The following VTI1A variants were observed in gnomAD, a reference collection of about 807,000 sequenced individuals.
VTI1A encodes the protein vesicle transport through interaction with t-SNAREs 1A, also known as vesicle transport through interaction with t-SNAREs homolog 1A.
VTI1A carries 22 observed loss-of-function variants against 34.9 expected under a neutral mutation model. The ratio of observed to expected loss-of-function variants is 0.63; its 90% CI spans 0.45 to 0.90. The LOEUF (loss-of-function observed/expected upper bound fraction) is 0.90. Ranked by LOEUF, VTI1A falls within the 40% of genes least tolerant of loss-of-function variation. The pLI is 0.00. For synonymous variants in VTI1A, 87 were observed against 97.3 expected, an observed-to-expected ratio of 0.89 and a Z score of 0.62; for missense variants, 268 against 275.6, an observed-to-expected ratio of 0.97 and a Z score of 0.20.
chr10:112,599,401 C>G (rs1024335406), intron 5 of VTI1A, among the ~76,000 whole-genome samples: 2 of 152,154 alleles, frequency 1.3e-5, no homozygotes, highest in African/African-American at 4.8e-5. Context: ...AAGGAAGATA[C>G]TGCCCTCTTG....
intron 5 of VTI1A, among the ~76,000 whole-genome samples, chr10:112,581,183 CT>C (rs1843919903): frequency 6.6e-6 from 1 of 152,184 alleles, no homozygotes; most frequent in Non-Finnish European, 1.5e-5. Flanking sequence ...TATGAATTCA[CT>C]TGGTTCTCTT....
At chr10:112,736,151 CT>C (rs1850462474) in intron 7 of VTI1A, among the ~76,000 whole-genome samples, 1 of 93,118 alleles carries the variant, frequency 1.1e-5, no homozygotes. Context: ...AAATGTATAA[CT>C]TTTTTTTCCC....
rs537467921 is a variant in VTI1A at position 112,726,238 on chromosome 10, C to T, written c.560+57240C>T. Among the ~76,000 whole-genome samples, 288 of 152,234 alleles carry T rather than the reference C, an allele frequency of 1.9e-3. 1 individual carries two copies. The highest frequency in any genetic ancestry group is 3.6e-3 in the Non-Finnish European group (247 of 68,024). Reference sequence around the variant, plus strand: ...CCAGATCCTGCTGCTTCTCTCAATGCCTTCATCCTCTCCTTCTAAATCAGA... The same window carrying T: ...CCAGATCCTGCTGCTTCTCTCAATGTCTTCATCCTCTCCTTCTAAATCAGA... On this transcript the variant is annotated intron_variant, in intron 7 of 7. Coordinates refer to ENST00000393077, the MANE Select transcript of VTI1A (RefSeq NM_145206.4).
intron 5 of VTI1A, among the ~76,000 whole-genome samples, chr10:112,571,307 G>A (rs1310317521): frequency 6.6e-6 from 1 of 152,126 alleles, no homozygotes; most frequent in African/African-American, 2.4e-5. Flanking sequence ...CATGTATCCA[G>A]TGATTCATCT....
chr10:112,745,617 C>T (rs1850869311), intron 7 of VTI1A, among the ~76,000 whole-genome samples: 1 of 152,188 alleles, frequency 6.6e-6, no homozygotes, highest in South Asian at 2.1e-4. Flanking sequence ...AGTAAATTAT[C>T]CCTAACTCAG....
intron 7 of VTI1A, among the ~76,000 whole-genome samples, chr10:112,807,495 T>G (rs968234715): frequency 6.6e-6 from 1 of 152,120 alleles, no homozygotes; most frequent in African/African-American, 2.4e-5. Context: ...CTCTTTGTCC[T>G]CTCTTAAGGA....
At chr10:112,670,443 C>T (rs1254984305) in intron 7 of VTI1A, among the ~76,000 whole-genome samples, 3 of 152,060 alleles carry the variant, frequency 2.0e-5, no homozygotes, top group Non-Finnish European at 2.9e-5. Flanking sequence ...ATAGTTTATG[C>T]GGGCTCTACG....
intron 1 of VTI1A, among the ~76,000 whole-genome samples, chr10:112,452,562 G>A (rs1418341958): frequency 1.7e-5 from 1 of 59,500 alleles, no homozygotes; most frequent in East Asian, 2.4e-4. Context: ...GTGAGACTCT[G>A]TCTCAAAAAA....
At position 112,631,279 on chromosome 10, in the gene VTI1A, A is replaced by T. The variant is rs1846120987; in HGVS notation, c.428-36939A>T. Among the ~76,000 whole-genome samples the T allele has an allele frequency of 2.0e-5, 3 of 152,366 alleles. No homozygotes were observed. The South Asian group carries it at 6.2e-4, about 32-fold the overall frequency. On this transcript the variant is annotated intron_variant, in intron 5 of 7. Coordinates refer to ENST00000393077, the MANE Select transcript of VTI1A (RefSeq NM_145206.4). ...TTTAATGAGGTACAATTCACGTAAT[A>T]GAAAATTAACCATTTTAAAATGTAC...
rs533086941 is a variant in VTI1A at position 112,734,713 on chromosome 10, C to T, written c.560+65715C>T. Among the ~76,000 whole-genome samples, 542 of 149,948 alleles carry T rather than the reference C, an allele frequency of 3.6e-3. 3 individuals are homozygous for T. Among genetic ancestry groups the T allele is most frequent in the African/African-American group, 0.013 (509 of 40,704 alleles). On this transcript the variant is annotated intron_variant, in intron 7 of 7. Coordinates refer to ENST00000393077, the MANE Select transcript of VTI1A (RefSeq NM_145206.4). ...TGTTGCCCAGGCTGGAGTGCAGTGGCGCGATCTCGGCTCACTGCAATCTCC... is the reference window on the plus strand; with the variant it reads ...TGTTGCCCAGGCTGGAGTGCAGTGGTGCGATCTCGGCTCACTGCAATCTCC...
At chr10:112,482,926 A>T (rs1848500744) in intron 3 of VTI1A, among the ~76,000 whole-genome samples, 1 of 152,196 alleles carries the variant, frequency 6.6e-6, no homozygotes, top group Non-Finnish European at 1.5e-5. Flanking sequence ...CTGTCTTTTG[A>T]ATTCTGTCGT....
At chr10:112,827,088 T>C in the VTI1A span, 2 of 152,232 alleles carry the variant, frequency 1.3e-5, no homozygotes, top group African/African-American at 4.8e-5. Flanking sequence ...ATTTCACTTA[T>C]TTCATTTTGA....
At chr10:112,811,350 T>A (rs1270427668) in intron 7 of VTI1A, among the ~76,000 whole-genome samples, 1 of 152,138 alleles carries the variant, frequency 6.6e-6, no homozygotes, top group Non-Finnish European at 1.5e-5. Flanking sequence ...ACTCAGAACT[T>A]TTGCTCTCAT....
At chr10:112,735,335 A>G (rs1265319951) in intron 7 of VTI1A, among the ~76,000 whole-genome samples, 1 of 152,204 alleles carries the variant, frequency 6.6e-6, no homozygotes, top group Admixed American at 6.5e-5. Flanking sequence ...TCAAACATTT[A>G]CCTATTTATT....
intron 5 of VTI1A, among the ~76,000 whole-genome samples, chr10:112,615,735 G>A (rs1845489798): frequency 6.6e-6 from 1 of 152,192 alleles, no homozygotes; most frequent in South Asian, 2.1e-4. Context: ...TGATCTGAAA[G>A]ATAAGTAAGA....
rs7907407 is a variant in VTI1A at position 112,708,613 on chromosome 10, A to G, written c.560+39615A>G. Among the ~76,000 whole-genome samples, 596 of 152,354 alleles carry G rather than the reference A, an allele frequency of 3.9e-3. 5 individuals carry two copies. Among genetic ancestry groups the G allele is most frequent in the African/African-American group, 0.014 (563 of 41,586 alleles). On this transcript the variant is annotated intron_variant, in intron 7 of 7. Transcript: ENST00000393077. ...TGTAAAGGAATGTGTTCTGCATACT[A>G]ATTAGCATTAAGCAGTATCTTTGAC...
chr10:112,610,918 CAAAA>C (rs768295498), intron 5 of VTI1A, among the ~76,000 whole-genome samples: 1 of 120,380 alleles, frequency 8.3e-6, no homozygotes. Context: ...GACTCCATCT[CAAAA>C]AAAAAAAAAA....
intron 3 of VTI1A, among the ~76,000 whole-genome samples, chr10:112,511,157 C>G (rs1242281154): frequency 6.6e-6 from 1 of 152,048 alleles, no homozygotes; most frequent in African/African-American, 2.4e-5. Flanking sequence ...AACATACACT[C>G]TCTACCGGGG....
chr10:112,619,547 C>T (rs527949938), intron 5 of VTI1A, among the ~76,000 whole-genome samples: 11 of 152,248 alleles, frequency 7.2e-5, no homozygotes, highest in East Asian at 1.9e-4. Context: ...TGGCCTGGGG[C>T]TTCTTTAATG....
Sources: gnomAD v4.1 joint callset for allele counts (sites outside exome capture counted in the v4.1 genomes callset) on GRCh38, gnomAD v4.1.1 for gene constraint, MANE v1.5 for transcripts, NCBI Gene and HGNC (gene_info 2026-07-23, HGNC 2026-07-21) for gene names.